The following GGA3 variants were observed in gnomAD, a reference collection of about 807,000 sequenced individuals.
GGA3 encodes golgi associated, gamma adaptin ear containing, ARF binding protein 3.
A neutral mutation model predicts 77.5 loss-of-function variants in GGA3; 57 were observed. The ratio of observed to expected loss-of-function variants is 0.74; its 90% CI spans 0.59 to 0.92. The LOEUF is 0.92. Ranked by LOEUF, GGA3 falls within the 40% of genes least tolerant of loss-of-function variation. The pLI is 0.00. For missense variants in GGA3, 970 were observed against 914.9 expected (o/e 1.06, Z -0.78); for synonymous variants, 416 against 383.7 (o/e 1.08, Z -0.98).
intron 12 of GGA3, 46 bp from the exon 13 acceptor site, chr17:75,240,154 G>GGGGGGGGGC: frequency 8.6e-6 from 4 of 465,504 alleles, no homozygotes; most frequent in Non-Finnish European, 1.7e-5. Flanking sequence ...GGTGGGGAGG[G>GGGGGGGGGC]CCTGCCGCTG....
rs2076348776 is a variant in GGA3 at position 75,237,208 on chromosome 17, GCC to G, written c.*1069_*1070del. The G allele has an allele frequency of 1.7e-6, 1 of 574,120 alleles. No individual in the cohort carries two copies. The highest frequency in any genetic ancestry group is 3.1e-5 in the Admixed American group (1 of 32,542). 35.6% of individuals were successfully genotyped at this position (574,120 alleles called of 1,614,324 possible). The stretch of plus-strand genomic sequence containing the variant: ...GGTCTGGTGACTCAGCTCAAGTGTG[GCC>G]CGATCTCATCACCTCCAGACCCAAC... On this transcript the variant is annotated 3_prime_UTR_variant, in exon 17 of 17. Transcript: ENST00000537686.
At chr17:75,240,590 CG>C in intron 11 of GGA3, 178 bp from the exon 12 acceptor site, 2 of 658,708 alleles carry the variant, frequency 3.0e-6, no homozygotes, top group Non-Finnish European at 2.6e-6. Flanking sequence ...GATGCAGAAG[CG>C]GGGGGCCTGT....
Position 75,237,341 on chromosome 17 carries a change from G to A in GGA3, c.*938C>T. 2.6e-6 allele frequency: 2 copies of A among 759,190 alleles called. No homozygotes were observed. 47.0% of individuals were successfully genotyped at this position (759,190 alleles called of 1,614,324 possible). On this transcript the variant is annotated 3_prime_UTR_variant, in exon 17 of 17. Coordinates refer to ENST00000537686, the MANE Select transcript of GGA3 (RefSeq NM_138619.4). The stretch of plus-strand genomic sequence containing the variant: ...CATTTGTGATCCTGAGGCCTCCTGT[G>A]TCCAGCCACAGGTGCCACACCACAT...
intron 8 of GGA3, 35 bp from the exon 9 acceptor site, chr17:75,241,731 A>C: frequency 1.9e-6 from 3 of 1,550,864 alleles, no homozygotes; most frequent in Non-Finnish European, 2.7e-6. Context: ...TCAAACCACA[A>C]AGGCCCTTAG....
At chr17:75,238,470 C>A in intron 16 of GGA3, 81 bp from the exon 17 acceptor site, 2 of 1,252,766 alleles carry the variant, frequency 1.6e-6, no homozygotes, top group Admixed American at 1.9e-5. Context: ...CCTCTCTGTG[C>A]TAGAGGAATG....
At chr17:75,260,178 A>G (rs2077305052) in intron 1 of GGA3, among the ~76,000 whole-genome samples, 1 of 152,116 alleles carries the variant, frequency 6.6e-6, no homozygotes, top group African/African-American at 2.4e-5. Flanking sequence ...ACAAAATGTA[A>G]CTCTAAATGT....
intron 4 of GGA3, 79 bp downstream of exon 4, chr17:75,244,540 C>T (rs756730805): frequency 9.2e-6 from 8 of 865,166 alleles, no homozygotes; most frequent in Non-Finnish European, 1.4e-5. Flanking sequence ...GTTGGATGGG[C>T]AGTGAAAGCC....
At chr17:75,250,668 T>G (rs1598427604) in intron 1 of GGA3, among the ~76,000 whole-genome samples, 1 of 148,804 alleles carries the variant, frequency 6.7e-6, no homozygotes, top group African/African-American at 2.5e-5. Flanking sequence ...AGGCTGAGGC[T>G]GGAGAACTGC....
chr17:75,240,154 G>GGGGGGGGGGC, intron 12 of GGA3, 46 bp from the exon 13 acceptor site: 1 of 465,520 alleles, frequency 2.1e-6, no homozygotes. Flanking sequence ...GGTGGGGAGG[G>GGGGGGGGGGC]CCTGCCGCTG....
chr17:75,247,678 G>A (rs182541519), intron 1 of GGA3, among the ~76,000 whole-genome samples: 3 of 152,274 alleles, frequency 2.0e-5, no homozygotes, highest in African/African-American at 4.8e-5. Context: ...CATTTACTTA[G>A]CCCCTACTAA....
chr17:75,241,093 G>A, intron 10 of GGA3, 36 bp from the exon 11 acceptor site: 1 of 1,613,408 alleles, frequency 6.2e-7, no homozygotes, highest in Non-Finnish European at 8.5e-7. Flanking sequence ...GGAATAATTA[G>A]GGGTCTTCTA....
Position 75,259,728 on chromosome 17 carries a change from G to A in GGA3, c.40+1820C>T, listed in dbSNP as rs150830397. Among the ~76,000 whole-genome samples, 324 of 151,630 alleles carry A rather than the reference G, an allele frequency of 2.1e-3. 1 individual carries two copies. The South Asian group carries it at 0.022, about 10-fold the overall frequency. On this transcript the variant is annotated intron_variant, in intron 1 of 16. Transcript: ENST00000537686. ...GGGTGACAAGGACGCTGACTGAGACGATGCTGAACCCCAACTGCTGGTTTG... is the reference window on the plus strand; with the variant it reads ...GGGTGACAAGGACGCTGACTGAGACAATGCTGAACCCCAACTGCTGGTTTG...
In GGA3 at chr17:75,246,588, G is replaced by T; in HGVS notation, c.126-4C>A. On this transcript the variant is annotated splice_region_variant and splice_polypyrimidine_tract_variant and intron_variant, in intron 2 of 16. Transcript: ENST00000537686. Reference sequence around the variant, plus strand: ...CAGTCGGACGGCGATCTGTGGCCTGGGGGACAAGCAGAACACACTCCAGTG... The same window carrying T: ...CAGTCGGACGGCGATCTGTGGCCTGTGGGACAAGCAGAACACACTCCAGTG... The T allele has an allele frequency of 6.2e-7, 1 of 1,613,478 alleles. No individual in the cohort carries two copies. The highest frequency in any genetic ancestry group is 8.5e-7 in the Non-Finnish European group (1 of 1,179,404).
At chr17:75,256,003 C>T (rs1431242677) in intron 1 of GGA3, among the ~76,000 whole-genome samples, 2 of 152,320 alleles carry the variant, frequency 1.3e-5, no homozygotes, top group Non-Finnish European at 2.9e-5. Flanking sequence ...TTACCTATCT[C>T]GGCATAATTC....
chr17:75,261,650 C>CTCACACCTGTAATCCCAGCACTTT, upstream of GGA3: 1 of 1,440,154 alleles, frequency 6.9e-7, no homozygotes, highest in Non-Finnish European at 9.3e-7. Context: ...TGAGACGGGG[C>CTCACACCTGTAATCCCAGCACTTT]GGGGCCTGCA....
At chr17:75,245,010 T>C (rs1055846595) in intron 3 of GGA3, among the ~76,000 whole-genome samples, 1 of 152,102 alleles carries the variant, frequency 6.6e-6, no homozygotes, top group Non-Finnish European at 1.5e-5. Flanking sequence ...GGAAGGTGCC[T>C]TCCTTAAAGA....
intron 1 of GGA3, among the ~76,000 whole-genome samples, chr17:75,260,207 T>G (rs905201626): frequency 2.6e-5 from 4 of 152,304 alleles, no homozygotes; most frequent in East Asian, 1.9e-4. Flanking sequence ...AAACTCAGCT[T>G]AGGTCATTTA....
intron 3 of GGA3, among the ~76,000 whole-genome samples, chr17:75,245,688 C>T (rs897735722): frequency 6.6e-6 from 1 of 152,190 alleles, no homozygotes; most frequent in African/African-American, 2.4e-5. Flanking sequence ...CCGTGCCTGG[C>T]TGATTTTTTT....
intron 1 of GGA3, among the ~76,000 whole-genome samples, chr17:75,252,205 G>A (rs1318270984): frequency 2.0e-5 from 3 of 151,840 alleles, no homozygotes; most frequent in Admixed American, 6.6e-5. Context: ...AACCTCCTGA[G>A]TAGCTGGGAC....
Sources: gnomAD v4.1 joint callset for allele counts (sites outside exome capture counted in the v4.1 genomes callset) on GRCh38, gnomAD v4.1.1 for gene constraint, MANE v1.5 for transcripts, NCBI Gene and HGNC (gene_info 2026-07-23, HGNC 2026-07-21) for gene names.